The following CRIM1 variants were observed in gnomAD, a reference collection of about 807,000 sequenced individuals.
CRIM1 encodes the protein cysteine rich transmembrane BMP regulator 1.
A neutral mutation model predicts 116.4 loss-of-function variants in CRIM1; 32 were observed. The observed-to-expected ratio is 0.27, with a 90% CI of 0.21 to 0.37. The LOEUF is 0.37. Ranked by LOEUF, CRIM1 falls within the 10% of genes least tolerant of loss-of-function variation. The pLI is 1.00. For missense variants in CRIM1, 1,331 were observed against 1,354.8 expected (o/e 0.98, Z 0.28); for synonymous variants, 590 against 509.2 (o/e 1.16, Z -2.13).
chr2:36,442,770 C>A, intron 4 of CRIM1, 35 bp downstream of exon 4: 1 of 1,612,952 alleles, frequency 6.2e-7, no homozygotes, highest in South Asian at 1.1e-5. Flanking sequence ...GTTTTCTCCT[C>A]ATTTGTTAGC....
In CRIM1 at chr2:36,366,946, C is replaced by T. The variant is rs76098171; in HGVS notation, c.331+10323C>T. ...GGAGTGTGGGATGCATAGGCTTGGA[C>T]CTTTCTGTGTGTGTGTTTATAAGTC... On this transcript the variant is annotated intron_variant, in intron 1 of 16. Transcript: ENST00000280527. 1.3e-4 allele frequency among the ~76,000 whole-genome samples: 20 copies of T among 152,284 alleles called. 2 individuals are homozygous for T. The East Asian group carries it at 3.9e-3, about 29-fold the overall frequency.
intron 1 of CRIM1, among the ~76,000 whole-genome samples, chr2:36,381,418 C>G (rs1187235039): frequency 6.6e-6 from 1 of 152,180 alleles, no homozygotes; most frequent in Admixed American, 6.5e-5. Context: ...CTGGCAGAGC[C>G]AGGCTCAGGA....
Position 36,479,502 on chromosome 2 carries a change from G to T in CRIM1, c.1180G>T (p.Val394Leu), listed in dbSNP as rs550286125. The change falls in exon 7 of 17, where the codon GTG becomes TTG. Residue 394 changes from valine to leucine, a missense_variant. By Grantham distance (32) the Val-to-Leu change is conservative. Transcript: ENST00000280527. Reference protein sequence around the residue: ...GECCPVCEDPVYPFNNPAGCY... With the variant: ...GECCPVCEDPLYPFNNPAGCY... ...GAACTCATGTTCTCATTTAGATCCA[G>T]TGTATCCTTTTAATAATCCCGCTGG... The T allele has an allele frequency of 1.1e-4, 174 of 1,614,180 alleles. No homozygotes were observed. In the South Asian group the frequency reaches 1.7e-3, roughly 16 times the overall value.
At chr2:36,399,272 G>A (rs1480852283) in intron 2 of CRIM1, among the ~76,000 whole-genome samples, 1 of 152,226 alleles carries the variant, frequency 6.6e-6, no homozygotes, top group African/African-American at 2.4e-5. Flanking sequence ...AGATGGTGAA[G>A]TCAACATTAG....
chr2:36,390,815 T>C (rs1299518566), intron 1 of CRIM1, among the ~76,000 whole-genome samples: 1 of 152,052 alleles, frequency 6.6e-6, no homozygotes, highest in African/African-American at 2.4e-5. Flanking sequence ...CTTATTTTTA[T>C]TTATTTATTT....
At chr2:36,389,903 G>T (rs536431981) in intron 1 of CRIM1, among the ~76,000 whole-genome samples, 1 of 152,036 alleles carries the variant, frequency 6.6e-6, no homozygotes, top group Non-Finnish European at 1.5e-5. Context: ...TAGCACAGGG[G>T]GCTATATCTG....
chr2:36,484,478 G>C (rs562092710), intron 7 of CRIM1, among the ~76,000 whole-genome samples: 1 of 152,180 alleles, frequency 6.6e-6, no homozygotes, highest in South Asian at 2.1e-4. Flanking sequence ...GGAAGTTTTG[G>C]CTACATGACA....
chr2:36,481,629 T>C (rs1200896542), intron 7 of CRIM1, among the ~76,000 whole-genome samples: 1 of 152,216 alleles, frequency 6.6e-6, no homozygotes, highest in Non-Finnish European at 1.5e-5. Context: ...TGTACCCAAT[T>C]TCATTTAACC....
At chr2:36,374,370 A>G (rs1477671122) in intron 1 of CRIM1, among the ~76,000 whole-genome samples, 2 of 152,200 alleles carry the variant, frequency 1.3e-5, no homozygotes, top group Non-Finnish European at 1.5e-5. Flanking sequence ...CTGTAAAGGG[A>G]TAACTTTACT....
At chr2:36,497,384 A>G (rs1217698011) in intron 7 of CRIM1, among the ~76,000 whole-genome samples, 2 of 152,140 alleles carry the variant, frequency 1.3e-5, no homozygotes, top group African/African-American at 4.8e-5. Context: ...TTGACAAAAC[A>G]TTGGCAGTCT....
Position 36,431,047 on chromosome 2 carries a change from T to C in CRIM1, c.506-10211T>C, listed in dbSNP as rs1425895767. On this transcript the variant is annotated intron_variant, in intron 2 of 16. Transcript: ENST00000280527. ...AAACAGCACTTGAGAGTAAAACTTT[T>C]GGCATGTAAGAGGACTGTGTGTGTG... is the stretch of plus-strand genomic sequence containing the variant. Among the ~76,000 whole-genome samples the C allele has an allele frequency of 1.3e-5, 2 of 152,296 alleles. 1 individual carries two copies. Among genetic ancestry groups the C allele is most frequent in the South Asian group, 4.1e-4 (2 of 4,826 alleles).
intron 12 of CRIM1, among the ~76,000 whole-genome samples, chr2:36,520,798 G>A (rs1215935175): frequency 6.6e-6 from 1 of 152,204 alleles, no homozygotes; most frequent in African/African-American, 2.4e-5. Context: ...TATTCATGAG[G>A]TGGATAGAAG....
In CRIM1 at chr2:36,442,935, C is replaced by T. The variant is rs77008045; in HGVS notation, c.869+200C>T. On this transcript the variant is annotated intron_variant, in intron 4 of 16. Transcript: ENST00000280527. ...AAAACCAGGTGTCATCAGGTTAAGTCGTTAAACCTTATAGATTCTTTCTGT... is the reference window on the plus strand; with the variant it reads ...AAAACCAGGTGTCATCAGGTTAAGTTGTTAAACCTTATAGATTCTTTCTGT... Among the ~76,000 whole-genome samples the T allele has an allele frequency of 7.9e-3, 1,202 of 152,202 alleles. 47 individuals are homozygous for T. The East Asian group carries it at 0.086, about 11-fold the overall frequency.
intron 14 of CRIM1, among the ~76,000 whole-genome samples, chr2:36,538,281 C>A (rs1666696677): frequency 6.6e-6 from 1 of 152,098 alleles, no homozygotes; most frequent in Non-Finnish European, 1.5e-5. Context: ...TTCCTCTTTC[C>A]CCTGCGTCTA....
chr2:36,504,047 A>AT (rs1285054925), intron 8 of CRIM1, among the ~76,000 whole-genome samples: 1 of 151,674 alleles, frequency 6.6e-6, no homozygotes, highest in Non-Finnish European at 1.5e-5. Context: ...TTTTTTTTGT[A>AT]TTTTTTTGTA....
intron 5 of CRIM1, among the ~76,000 whole-genome samples, chr2:36,469,629 C>T (rs1329162565): frequency 4.6e-5 from 7 of 151,852 alleles, no homozygotes; most frequent in African/African-American, 2.4e-5. Context: ...AAATTCAGAC[C>T]TGCAGGCTGT....
intron 2 of CRIM1, among the ~76,000 whole-genome samples, chr2:36,408,052 C>G (rs1672944743): frequency 1.3e-5 from 2 of 152,094 alleles, no homozygotes. Context: ...TAAAGGAGCA[C>G]CAGAAGTTGT....
intron 1 of CRIM1, among the ~76,000 whole-genome samples, chr2:36,379,758 T>TG (rs914068152): frequency 1.3e-5 from 2 of 149,986 alleles, no homozygotes; most frequent in Non-Finnish European, 3.0e-5. Flanking sequence ...TTTTTTTTTT[T>TG]TTTTTTAAAG....
At chr2:36,398,475 A>G (rs1572643005) in intron 2 of CRIM1, among the ~76,000 whole-genome samples, 1 of 152,202 alleles carries the variant, frequency 6.6e-6, no homozygotes, top group Admixed American at 6.5e-5. Context: ...GATCTTTGCA[A>G]TGTGGAGATT....
Sources: gnomAD v4.1 joint callset for allele counts (sites outside exome capture counted in the v4.1 genomes callset) on GRCh38, gnomAD v4.1.1 for gene constraint, MANE v1.5 for transcripts, NCBI Gene and HGNC (gene_info 2026-07-23, HGNC 2026-07-21) for gene names.